Variants in PRPSAP1 observed in about 807,000 individuals in gnomAD.
The protein encoded by PRPSAP1 is phosphoribosyl pyrophosphate synthetase associated protein 1.
Under a neutral mutation model 39.4 loss-of-function variants are expected in PRPSAP1, and 31 were observed. The ratio of observed to expected loss-of-function variants is 0.79; its 90% confidence interval spans 0.59 to 1.06. PRPSAP1 has a LOEUF of 1.06. PRPSAP1 is among the 50% of genes least tolerant of loss of function. The pLI, the probability that PRPSAP1 is intolerant of heterozygous loss-of-function variation, is 0.00. For missense variants in PRPSAP1, 430 were observed against 511.6 expected (o/e 0.84, Z 1.54); for synonymous variants, 212 against 192.6 (o/e 1.10, Z -0.83).
chr17:76,328,671 C>A, intron 7 of PRPSAP1, 46 bp downstream of exon 7: 2 of 1,585,360 alleles, frequency 1.3e-6, no homozygotes, highest in South Asian at 2.3e-5. Flanking sequence ...CAAAAAAAAA[C>A]TTTCTTCAAT....
intron 7 of PRPSAP1, among the ~76,000 whole-genome samples, chr17:76,318,815 T>C (rs1036680037): frequency 6.6e-6 from 1 of 152,216 alleles, no homozygotes; most frequent in Non-Finnish European, 1.5e-5. Flanking sequence ...GGGGAAACCA[T>C]GGTTATGACC....
intron 8 of PRPSAP1, 65 bp from the exon 9 acceptor site, chr17:76,313,081 A>C: frequency 6.5e-7 from 1 of 1,530,762 alleles, no homozygotes; most frequent in Non-Finnish European, 8.9e-7. Context: ...GTCAATGCAC[A>C]CACCACTCTA....
chr17:76,326,399 GA>G (rs58837931), intron 7 of PRPSAP1, among the ~76,000 whole-genome samples: 45,021 of 149,198 alleles, frequency 0.3, 7,622 homozygotes, highest in African/African-American at 0.47. Flanking sequence ...TTACAAAGAG[GA>G]AAAAAAAAAG....
chr17:76,348,746 C>T (rs1201480756), intron 1 of PRPSAP1, among the ~76,000 whole-genome samples, 165 bp from the exon 2 acceptor site: 3 of 152,166 alleles, frequency 2.0e-5, no homozygotes, highest in Non-Finnish European at 2.9e-5. Flanking sequence ...TCTGCTGTCA[C>T]TCCATAAGCA....
At chr17:76,325,484 A>T (rs2071246522) in intron 7 of PRPSAP1, among the ~76,000 whole-genome samples, 1 of 151,202 alleles carries the variant, frequency 6.6e-6, no homozygotes. Flanking sequence ...AAGAAAGAAA[A>T]GAAATTTCCA....
chr17:76,320,305 A>G (rs371131327), intron 7 of PRPSAP1, among the ~76,000 whole-genome samples: 3 of 135,290 alleles, frequency 2.2e-5, no homozygotes, highest in Non-Finnish European at 1.5e-5. Flanking sequence ...AAAGAAAAGA[A>G]AGGAAGGGAG....
intron 1 of PRPSAP1, among the ~76,000 whole-genome samples, chr17:76,351,698 A>G (rs780303535): frequency 4.6e-5 from 7 of 152,170 alleles, no homozygotes; most frequent in Admixed American, 6.6e-5. Flanking sequence ...AATAAAACAG[A>G]TAAGATAAAA....
rs2071059765 is a variant in PRPSAP1 at position 76,310,491 on chromosome 17, G to T, written c.*1051C>A. The T allele has an allele frequency of 6.6e-6, 1 of 151,286 alleles. No individual in the cohort carries two copies. The allele number at this position is 151,286 out of a possible 1,614,324, so 9.4% of individuals were successfully genotyped here. On this transcript the variant is annotated 3_prime_UTR_variant, in exon 10 of 10. Transcript: ENST00000446526. ...GGCCTGTTTTTTTTTTTTGAGACAG[G>T]GTGTTGCTCTGTCACCCAGGATGGA...
intron 7 of PRPSAP1, among the ~76,000 whole-genome samples, chr17:76,325,085 A>C (rs1360893723): frequency 6.9e-6 from 1 of 144,002 alleles, no homozygotes; most frequent in Non-Finnish European, 1.5e-5. Flanking sequence ...AAAAAAAAAG[A>C]AAAGAAAAAT....
In PRPSAP1 at chr17:76,348,580, G is replaced by A. The variant is rs758657998; in HGVS notation, c.172C>T (p.Arg58Cys). ...GACTTCCCCAATTCAGCACCAAGGC[G>A]CCTATAGATCAAAAAGAACAAAAAA... The part of the protein sequence containing the change: ...CTELAKRITE[R>C]LGAELGKSVV... The change falls in exon 2 of 10, where the codon CGC (arginine) becomes TGC (cysteine). Residue 58 changes from arginine (R) to cysteine (C), a missense_variant and splice_region_variant. By Grantham distance (180) the Arg-to-Cys change is radical. Coordinates refer to ENST00000446526, the MANE Select transcript of PRPSAP1 (RefSeq NM_002766.3). The A allele has an allele frequency of 3.3e-6, 5 of 1,529,150 alleles. No homozygotes were observed. Among genetic ancestry groups the A allele is most frequent in the Middle Eastern group, 1.7e-4 (1 of 5,868 alleles). 94.7% of individuals were successfully genotyped at this position (1,529,150 alleles called of 1,614,324 possible).
At chr17:76,345,237 T>TATAAAAAA (rs2071484834) in intron 2 of PRPSAP1, among the ~76,000 whole-genome samples, 2 of 62,202 alleles carry the variant, frequency 3.2e-5, no homozygotes, top group South Asian at 1.2e-3. Context: ...TCCGTCTCAT[T>TATAAAAAA]AAAAAAAAAA....
intron 7 of PRPSAP1, among the ~76,000 whole-genome samples, chr17:76,323,202 C>T (rs954148796): frequency 7.6e-5 from 7 of 91,858 alleles, no homozygotes; most frequent in Non-Finnish European, 1.3e-4. Flanking sequence ...ATTAGCTGGG[C>T]GTGGTGGTGC....
In PRPSAP1 at chr17:76,344,974, G is replaced by A. The variant is rs1012335452; in HGVS notation, c.224-237C>T. On this transcript the variant is annotated intron_variant, in intron 2 of 9. Transcript: ENST00000446526. ...GAATTAGCTGGGCGCGGTGGCTCACGCCTGTAATCCCAGCACTTTGGGAGG... is the reference window on the plus strand; with the variant it reads ...GAATTAGCTGGGCGCGGTGGCTCACACCTGTAATCCCAGCACTTTGGGAGG... Among the ~76,000 whole-genome samples, 8 of 152,048 alleles carry A rather than the reference G, an allele frequency of 5.3e-5. No homozygotes were observed. The South Asian group carries it at 1.2e-3, about 24-fold the overall frequency.
At chr17:76,330,144 A>G (rs756862124) in intron 5 of PRPSAP1, 46 bp from the exon 6 acceptor site, 5 of 1,518,058 alleles carry the variant, frequency 3.3e-6, no homozygotes, top group South Asian at 1.1e-5. Context: ...TTATCAGAAA[A>G]TAACACCTGG....
At chr17:76,338,377 G>C (rs1278363535) in intron 3 of PRPSAP1, among the ~76,000 whole-genome samples, 1 of 152,122 alleles carries the variant, frequency 6.6e-6, no homozygotes, top group Non-Finnish European at 1.5e-5. Flanking sequence ...ACCTGTAAAA[G>C]ATATTCCTTC....
intron 7 of PRPSAP1, among the ~76,000 whole-genome samples, chr17:76,324,211 A>G (rs762418974): frequency 3.0e-4 from 45 of 151,836 alleles, no homozygotes; most frequent in Non-Finnish European, 5.9e-4. Flanking sequence ...TTTGTAGTTC[A>G]TAAGTGTGAT....
At chr17:76,353,465 G>A in intron 1 of PRPSAP1, 69 bp downstream of exon 1, 1 of 1,380,564 alleles carries the variant, frequency 7.2e-7, no homozygotes, top group South Asian at 1.5e-5. Context: ...GAGGGGAGCG[G>A]GTCCCTCCGG....
intron 1 of PRPSAP1, among the ~76,000 whole-genome samples, chr17:76,350,187 C>T (rs2071552182): frequency 1.3e-5 from 2 of 150,810 alleles, no homozygotes; most frequent in Admixed American, 1.3e-4. Context: ...TGCCTGTAAT[C>T]CCAGCACTTT....
In PRPSAP1 at chr17:76,353,705, G is replaced by A. The variant is rs2071608198; in HGVS notation, c.-2C>T. On this transcript the variant is annotated 5_prime_UTR_variant, in exon 1 of 10. The change creates a new upstream start codon in the 5' untranslated region. Coordinates refer to ENST00000446526, the MANE Select transcript of PRPSAP1 (RefSeq NM_002766.3). ...CAACAGCAGCAGCTTCTTGGGCATC[G>A]TCCGGCCCGCGGCGCGGTTACGACC... The A allele has an allele frequency of 1.4e-6, 2 of 1,462,640 alleles. No individual in the cohort carries two copies. Among genetic ancestry groups the A allele is most frequent in the Non-Finnish European group, 1.8e-6 (2 of 1,114,730 alleles). The allele number at this position is 1,462,640 out of a possible 1,614,324, so 90.6% of individuals were successfully genotyped here.
Sources: gnomAD v4.1 joint callset for allele counts (sites outside exome capture counted in the v4.1 genomes callset) on GRCh38, gnomAD v4.1.1 for gene constraint, MANE v1.5 for transcripts, NCBI Gene and HGNC (gene_info 2026-07-23, HGNC 2026-07-21) for gene names.